The following GALM variants were observed in gnomAD, a reference collection of about 807,000 sequenced individuals.
GALM encodes the protein galactose mutarotase.
GALM carries 43 observed loss-of-function variants against 37.4 expected under a neutral mutation model. The ratio of observed to expected loss-of-function variants is 1.15; its 90% CI spans 0.90 to 1.48. GALM has a LOEUF of 1.48. GALM is among the 40% of genes most tolerant of loss of function. The probability of loss-of-function intolerance (pLI) is 0.00; values close to 1 mark genes in which losing one functional copy is unlikely to be tolerated. For missense variants in GALM, 456 were observed against 419.1 expected (o/e 1.09, Z -0.77); for synonymous variants, 199 against 170.6 (o/e 1.17, Z -1.30).
rs749123816 is a variant in GALM at position 38,712,850 on chromosome 2, T to C, written c.635-16706T>C. ...GATGTGCAAGCAGGGGGTGCCCTGA[T>C]AGAGATTACAGGGGCTAAATCCCCC... is the stretch of plus-strand genomic sequence containing the variant. On this transcript the variant is annotated intron_variant, in intron 4 of 6. Coordinates refer to ENST00000272252, the MANE Select transcript of GALM (RefSeq NM_138801.3). Among the ~76,000 whole-genome samples, 9 of 152,176 alleles carry C rather than the reference T, an allele frequency of 5.9e-5. 1 individual carries two copies. The highest frequency in any genetic ancestry group is 1.2e-4 in the Non-Finnish European group (8 of 68,032).
At chr2:38,670,098 A>G (rs1204702537) in intron 1 of GALM, among the ~76,000 whole-genome samples, 1 of 151,862 alleles carries the variant, frequency 6.6e-6, no homozygotes, top group Admixed American at 6.6e-5. Flanking sequence ...TCCTGACCTC[A>G]AGTGATCCAC....
At chr2:38,723,474 G>A (rs559854506) in intron 4 of GALM, among the ~76,000 whole-genome samples, 1 of 152,304 alleles carries the variant, frequency 6.6e-6, no homozygotes, top group South Asian at 2.1e-4. Context: ...TTTCAGAACA[G>A]TATGTAACAT....
intron 1 of GALM, among the ~76,000 whole-genome samples, chr2:38,666,819 A>C (rs1664952402): frequency 6.6e-6 from 1 of 152,166 alleles, no homozygotes; most frequent in Admixed American, 6.5e-5. Flanking sequence ...TGGTTGTCTC[A>C]GAAATGCTCC....
chr2:38,679,745 G>T (rs531129105), intron 2 of GALM, among the ~76,000 whole-genome samples: 23 of 152,244 alleles, frequency 1.5e-4, no homozygotes, highest in African/African-American at 5.5e-4. Context: ...TAGCTGTGTG[G>T]CCTGGGGCAA....
chr2:38,723,914 A>G (rs748024857), intron 4 of GALM, among the ~76,000 whole-genome samples: 1 of 152,130 alleles, frequency 6.6e-6, no homozygotes, highest in Non-Finnish European at 1.5e-5. Flanking sequence ...TCTGAATTGC[A>G]ATTCTGTGAT....
chr2:38,728,213 G>A (rs1168126824), intron 4 of GALM, among the ~76,000 whole-genome samples: 1 of 151,982 alleles, frequency 6.6e-6, no homozygotes, highest in Non-Finnish European at 1.5e-5. Flanking sequence ...GGCCAACATG[G>A]TGAAACCCCA....
At position 38,666,326 on chromosome 2, in the gene GALM, G is replaced by C. The variant is rs1664932038; in HGVS notation, c.165G>C (p.Val55=). 6.2e-7 allele frequency: 1 copy of C among 1,612,856 alleles called. No individual in the cohort carries two copies. The highest frequency in any genetic ancestry group is 8.5e-7 in the Non-Finnish European group (1 of 1,179,434). Reference sequence around the variant, plus strand: ...ACAGGCAGGGGAGAGCCTCGGACGTGGTGCTTGGCTTCGCCGAGTTGGAAG... The same window carrying C: ...ACAGGCAGGGGAGAGCCTCGGACGTCGTGCTTGGCTTCGCCGAGTTGGAAG... ...VKDRQGRASD[V]VLGFAELEGY... Residue 55 remains valine (V), a synonymous_variant, in exon 1 of 7, where the codon GTG becomes GTC. Transcript: ENST00000272252.
Position 38,733,602 on chromosome 2 carries a change from T to G in GALM, c.*37T>G, listed in dbSNP as rs1330498956. 1 of 1,448,648 alleles carries G rather than the reference T, an allele frequency of 6.9e-7. No individual in the cohort carries two copies. The highest frequency in any genetic ancestry group is 1.4e-5 in the African/African-American group (1 of 71,402). The allele number at this position is 1,448,648 out of a possible 1,614,324, so 89.7% of individuals were successfully genotyped here. A position where few individuals can be genotyped will look rare whatever the true frequency, so the allele number is the denominator to read the frequency against. On this transcript the variant is annotated 3_prime_UTR_variant, in exon 7 of 7. Transcript: ENST00000272252. Reference sequence around the variant, plus strand: ...GATATGATCCAGTCCAGGGCTAGGCTCAGCCACCTGTCTCCTGTCCAGAAA... The same window carrying G: ...GATATGATCCAGTCCAGGGCTAGGCGCAGCCACCTGTCTCCTGTCCAGAAA...
intron 4 of GALM, among the ~76,000 whole-genome samples, chr2:38,710,049 C>T (rs1666116974): frequency 6.6e-6 from 1 of 152,198 alleles, no homozygotes; most frequent in Non-Finnish European, 1.5e-5. Context: ...CAGTGTCCCT[C>T]CCAACTTTTG....
Position 38,726,990 on chromosome 2 carries a change from T to G in GALM, c.635-2566T>G, listed in dbSNP as rs367635334. 2.2e-4 allele frequency among the ~76,000 whole-genome samples: 34 copies of G among 151,872 alleles called. 1 individual carries two copies. In the South Asian group the frequency reaches 2.5e-3, roughly 11 times the overall value. On this transcript the variant is annotated intron_variant, in intron 4 of 6. Transcript: ENST00000272252. ...CAGCACTTTGGGAGGCCAAGGTGGGTGGGTCACTTGAGGTCAGAAGTTTGA... is the reference window on the plus strand; with the variant it reads ...CAGCACTTTGGGAGGCCAAGGTGGGGGGGTCACTTGAGGTCAGAAGTTTGA...
intron 4 of GALM, among the ~76,000 whole-genome samples, chr2:38,706,559 A>G (rs1424756493): frequency 1.3e-5 from 2 of 150,248 alleles, no homozygotes; most frequent in East Asian, 2.0e-4. Flanking sequence ...CCACACCTGT[A>G]GTCTCAGCTA....
chr2:38,717,824 C>G (rs1484477740), intron 4 of GALM, among the ~76,000 whole-genome samples: 4 of 151,436 alleles, frequency 2.6e-5, no homozygotes, highest in African/African-American at 9.7e-5. Context: ...AAATACGGAA[C>G]AAATTATATA....
intron 4 of GALM, among the ~76,000 whole-genome samples, chr2:38,697,327 CT>C (rs1665832530): frequency 6.6e-6 from 1 of 152,158 alleles, no homozygotes; most frequent in Non-Finnish European, 1.5e-5. Context: ...CGCCTGTTGA[CT>C]TTCAGCCAAG....
intron 1 of GALM, among the ~76,000 whole-genome samples, chr2:38,669,879 G>GA (rs1203651225): frequency 2.2e-5 from 3 of 136,564 alleles, no homozygotes; most frequent in Admixed American, 7.3e-5. Flanking sequence ...CTCAAAAGAA[G>GA]AAAAAAAAAG....
At chr2:38,705,671 G>C (rs1666021160) in intron 4 of GALM, among the ~76,000 whole-genome samples, 1 of 152,070 alleles carries the variant, frequency 6.6e-6, no homozygotes, top group African/African-American at 2.4e-5. Context: ...CAAGGGCTAG[G>C]GTGCAAAATT....
intron 1 of GALM, among the ~76,000 whole-genome samples, chr2:38,667,625 T>A (rs1664981883): frequency 6.7e-6 from 1 of 148,740 alleles, no homozygotes; most frequent in Admixed American, 7.0e-5. Flanking sequence ...CTCAGCTTTC[T>A]GTTGAACACC....
At chr2:38,670,110 T>C (rs1040018964) in intron 1 of GALM, among the ~76,000 whole-genome samples, 1 of 151,908 alleles carries the variant, frequency 6.6e-6, no homozygotes, top group Non-Finnish European at 1.5e-5. Context: ...GTGATCCACC[T>C]ACCTCAGCCT....
At chr2:38,680,783 G>T (rs573389693) in intron 2 of GALM, among the ~76,000 whole-genome samples, 2 of 152,104 alleles carry the variant, frequency 1.3e-5, no homozygotes, top group Non-Finnish European at 2.9e-5. Context: ...ATCGTACAAA[G>T]TTAGAGAAAA....
intron 4 of GALM, among the ~76,000 whole-genome samples, chr2:38,705,406 G>A (rs1461627002): frequency 6.6e-6 from 1 of 152,190 alleles, no homozygotes; most frequent in Non-Finnish European, 1.5e-5. Context: ...ATGGAACACT[G>A]TCTCTGCCCT....
Sources: allele counts gnomAD v4.1 joint callset (sites outside exome capture counted in the v4.1 genomes callset), GRCh38; gene constraint gnomAD v4.1.1; transcripts MANE v1.5; gene names NCBI Gene and HGNC (gene_info 2026-07-23, HGNC 2026-07-21).